FOXJ3: variants seen among roughly 807,000 people sequenced by gnomAD.
FOXJ3 encodes forkhead box J3, also known as forkhead box protein J3.
In FOXJ3, 22 loss-of-function variants were observed where a neutral mutation model predicts 76.1. The ratio of observed to expected loss-of-function variants is 0.29; its 90% CI spans 0.21 to 0.41. The LOEUF is 0.41. FOXJ3 is among the 10% of genes least tolerant of loss of function. The pLI is 1.00. For synonymous variants in FOXJ3, 269 were observed against 261.2 expected (o/e 1.03, Z -0.29); for missense variants, 613 against 762.1 (o/e 0.80, Z 2.30).
At chr1:42,254,205 C>T (rs1387857060) in intron 4 of FOXJ3, among the ~76,000 whole-genome samples, 1 of 151,074 alleles carries the variant, frequency 6.6e-6, no homozygotes, top group Non-Finnish European at 1.5e-5. Flanking sequence ...CCAAAAGACA[C>T]GTGAAAAAAT....
At position 42,258,114 on chromosome 1, in the gene FOXJ3, A is replaced by G. The variant is rs1452579591; in HGVS notation, c.444+7001T>C. Among the ~76,000 whole-genome samples, 4 of 152,338 alleles carry G rather than the reference A, an allele frequency of 2.6e-5. No homozygotes were observed. The South Asian group carries it at 8.3e-4, about 32-fold the overall frequency. On this transcript the variant is annotated intron_variant, in intron 4 of 12. Transcript: ENST00000361346. ...CCGTTGGTAAAGGGAATCATCATAG[A>G]CAATTCTCTGCTCTTCCTTAGCTTT...
At chr1:42,256,958 A>G (rs1179178580) in intron 4 of FOXJ3, among the ~76,000 whole-genome samples, 1 of 152,226 alleles carries the variant, frequency 6.6e-6, no homozygotes, top group Non-Finnish European at 1.5e-5. Flanking sequence ...AAATGAGTAT[A>G]TATTGAATGA....
intron 2 of FOXJ3, among the ~76,000 whole-genome samples, chr1:42,279,884 C>T (rs1652569222): frequency 6.6e-6 from 1 of 151,870 alleles, no homozygotes; most frequent in African/African-American, 2.4e-5. Context: ...TCCCATATAG[C>T]CCCTTCATTC....
intron 5 of FOXJ3, among the ~76,000 whole-genome samples, chr1:42,219,764 A>G (rs1050767087): frequency 1.3e-5 from 2 of 152,152 alleles, no homozygotes; most frequent in African/African-American, 4.8e-5. Context: ...TGTCTCTACA[A>G]AAATAAGAAA....
At chr1:42,221,162 T>C (rs1030888519) in intron 5 of FOXJ3, among the ~76,000 whole-genome samples, 111 of 152,336 alleles carry the variant, frequency 7.3e-4, no homozygotes, top group African/African-American at 2.2e-3. Flanking sequence ...ACATGTCATG[T>C]AGTCTCTAGA....
At chr1:42,204,007 A>AC (rs1022828735) in intron 6 of FOXJ3, among the ~76,000 whole-genome samples, 4 of 151,446 alleles carry the variant, frequency 2.6e-5, no homozygotes, top group Non-Finnish European at 5.9e-5. Flanking sequence ...AAAAAAAAAA[A>AC]AAAAAGTTGG....
At position 42,335,178 on chromosome 1, in the gene FOXJ3, G is replaced by C. The variant is rs1028812915; in HGVS notation, c.-137C>G. On this transcript the variant is annotated 5_prime_UTR_variant, in exon 1 of 13. Transcript: ENST00000361346. ...AGCGGTCGAGGCCCCGAGCAGCCCC[G>C]AGAGCGGCGGCGGCAGCAAGAGCAG... is the stretch of plus-strand genomic sequence containing the variant. The C allele has an allele frequency of 2.0e-5, 3 of 152,142 alleles. No homozygotes were observed. Among genetic ancestry groups the C allele is most frequent in the Non-Finnish European group, 4.4e-5 (3 of 68,056 alleles). 9.4% of individuals were successfully genotyped at this position (152,142 alleles called of 1,614,324 possible).
At chr1:42,254,117 GA>G (rs1463353152) in intron 4 of FOXJ3, among the ~76,000 whole-genome samples, 1 of 151,326 alleles carries the variant, frequency 6.6e-6, no homozygotes, top group Non-Finnish European at 1.5e-5. Context: ...AAATTTACAA[GA>G]AAAAAAACAA....
intron 2 of FOXJ3, among the ~76,000 whole-genome samples, chr1:42,285,297 T>C (rs1652981802): frequency 6.6e-6 from 1 of 152,054 alleles, no homozygotes; most frequent in South Asian, 2.1e-4. Context: ...TTTATGAATT[T>C]TGAAACATTA....
At chr1:42,204,699 C>A (rs1244380802) in intron 6 of FOXJ3, among the ~76,000 whole-genome samples, 1 of 151,734 alleles carries the variant, frequency 6.6e-6, no homozygotes, top group Non-Finnish European at 1.5e-5. Flanking sequence ...ACCACTACCA[C>A]CACCCCCCAC....
intron 4 of FOXJ3, among the ~76,000 whole-genome samples, chr1:42,256,558 C>A (rs1650603316): frequency 6.6e-6 from 1 of 152,050 alleles, no homozygotes; most frequent in Non-Finnish European, 1.5e-5. Context: ...AGTAGAATGG[C>A]TACAGTTAAA....
rs1654085968 is a variant in FOXJ3, at chr1:42,300,709, A to C, written c.44+10341T>G. Among the ~76,000 whole-genome samples, 4 of 152,280 alleles carry C rather than the reference A, an allele frequency of 2.6e-5. No individual in the cohort carries two copies. The South Asian group carries it at 8.3e-4, about 32-fold the overall frequency. ...AGAGGATCACCTGAGCCTAGGAGGT[A>C]AAGGCTGTGGTGAGCTGTGATCACG... On this transcript the variant is annotated intron_variant, in intron 2 of 12. Coordinates refer to ENST00000361346, the MANE Select transcript of FOXJ3 (RefSeq NM_014947.5).
chr1:42,259,053 A>C (rs1418760039), intron 4 of FOXJ3, among the ~76,000 whole-genome samples: 1 of 152,222 alleles, frequency 6.6e-6, no homozygotes, highest in East Asian at 1.9e-4. Flanking sequence ...CGTGTGATGG[A>C]ATATATGCAA....
chr1:42,329,784 C>T, intron 1 of FOXJ3, among the ~76,000 whole-genome samples: 1 of 152,204 alleles, frequency 6.6e-6, no homozygotes, highest in African/African-American at 2.4e-5. Context: ...AATGCGGATG[C>T]GATGTCAAGT....
chr1:42,225,865 ACT>A (rs1647515695), intron 5 of FOXJ3, among the ~76,000 whole-genome samples: 1 of 152,118 alleles, frequency 6.6e-6, no homozygotes, highest in Non-Finnish European at 1.5e-5. Context: ...AAAAAGGAAG[ACT>A]CTCAAAAATA....
rs865887257 is a variant in FOXJ3, at chr1:42,225,110, T to C, written c.528+2773A>G. ...AAAAAAAAGGAAAGAAAGCCTTCTC[T>C]GTTCCATCAAAAGCTCATCACTTCA... On this transcript the variant is annotated intron_variant, in intron 5 of 12. Coordinates refer to ENST00000361346, the MANE Select transcript of FOXJ3 (RefSeq NM_014947.5). Among the ~76,000 whole-genome samples, 7 of 152,140 alleles carry C rather than the reference T, an allele frequency of 4.6e-5. No individual in the cohort carries two copies. In the Middle Eastern group the frequency reaches 0.01, roughly 223 times the overall value.
chr1:42,230,947 G>A (rs888646407), intron 4 of FOXJ3, among the ~76,000 whole-genome samples: 2 of 152,150 alleles, frequency 1.3e-5, no homozygotes, highest in African/African-American at 4.8e-5. Flanking sequence ...AGCAGTCCAA[G>A]TGTGCATTGA....
chr1:42,263,472 T>C (rs575445491), intron 4 of FOXJ3, among the ~76,000 whole-genome samples: 2 of 152,314 alleles, frequency 1.3e-5, no homozygotes, highest in East Asian at 3.9e-4. Flanking sequence ...AAAGAATTTA[T>C]TTTTAAAATC....
intron 4 of FOXJ3, among the ~76,000 whole-genome samples, chr1:42,263,133 G>A (rs950780435): frequency 2.0e-5 from 3 of 152,074 alleles, no homozygotes; most frequent in Non-Finnish European, 4.4e-5. Context: ...GTTGCAAAGA[G>A]TAACATGTTT....
Sources: allele counts gnomAD v4.1 joint callset (sites outside exome capture counted in the v4.1 genomes callset), GRCh38; gene constraint gnomAD v4.1.1; transcripts MANE v1.5; gene names NCBI Gene and HGNC (gene_info 2026-07-23, HGNC 2026-07-21).